The following INPP4B variants were observed in gnomAD, a reference collection of about 807,000 sequenced individuals.
INPP4B encodes the protein inositol polyphosphate-4-phosphatase type II B.
In INPP4B, 55 loss-of-function variants were observed where a neutral mutation model predicts 122.5. The ratio of observed to expected loss-of-function variants is 0.45; its 90% CI spans 0.36 to 0.56. INPP4B has a LOEUF of 0.56. Among genes scored for constraint, INPP4B ranks in the 20% least tolerant of loss-of-function variants. INPP4B has a pLI of 0.00. For synonymous variants in INPP4B, 403 were observed against 388.7 expected, an observed-to-expected ratio of 1.04 and a Z score of -0.43; for missense variants, 1,000 against 1,097.7, an observed-to-expected ratio of 0.91 and a Z score of 1.26.
rs553547725 is a variant in INPP4B at position 142,623,094 on chromosome 4, A to T, written c.-191+102745T>A. Among the ~76,000 whole-genome samples, 6 of 151,938 alleles carry T rather than the reference A, an allele frequency of 3.9e-5. No individual in the cohort carries two copies. The East Asian group carries it at 9.7e-4, about 25-fold the overall frequency. On this transcript the variant is annotated intron_variant, in intron 2 of 25. Transcript: ENST00000262992. ...CCGTGGAAATCACTTGAAAATGGAA[A>T]CTCCAGAGTCAAATCGCCTTTACTT... is the stretch of plus-strand genomic sequence containing the variant.
intron 2 of INPP4B, among the ~76,000 whole-genome samples, chr4:142,574,667 T>A (rs1733482067): frequency 6.6e-6 from 1 of 152,232 alleles, no homozygotes; most frequent in African/African-American, 2.4e-5. Context: ...AACACAAATA[T>A]CTTCTCCTCA....
intron 2 of INPP4B, among the ~76,000 whole-genome samples, chr4:142,671,886 CAA>C (rs1757053944): frequency 6.6e-6 from 1 of 152,190 alleles, no homozygotes; most frequent in East Asian, 1.9e-4. Flanking sequence ...TCCATCACCC[CAA>C]AATATTGCCT....
chr4:142,505,624 T>C (rs1278566357), intron 2 of INPP4B, among the ~76,000 whole-genome samples: 2 of 152,172 alleles, frequency 1.3e-5, no homozygotes, highest in Non-Finnish European at 2.9e-5. Flanking sequence ...AAATATTTCA[T>C]TAATACTATC....
chr4:142,764,635 G>A (rs1487522349), intron 1 of INPP4B, among the ~76,000 whole-genome samples: 1 of 152,090 alleles, frequency 6.6e-6, no homozygotes, highest in Non-Finnish European at 1.5e-5. Flanking sequence ...AGATATTTCT[G>A]AGAGAGGACA....
chr4:142,160,029 T>G (rs575666170), intron 17 of INPP4B, among the ~76,000 whole-genome samples: 1 of 151,844 alleles, frequency 6.6e-6, no homozygotes, highest in African/African-American at 2.4e-5. Context: ...ACATGGAGGG[T>G]TTTTTATTCT....
At chr4:142,394,120 A>G (rs1236025408) in intron 7 of INPP4B, among the ~76,000 whole-genome samples, 2 of 151,994 alleles carry the variant, frequency 1.3e-5, no homozygotes, top group East Asian at 1.9e-4. Flanking sequence ...TCAAAAGTTC[A>G]CTTTTCTGTT....
chr4:142,610,511 A>G (rs1472782756), intron 2 of INPP4B, among the ~76,000 whole-genome samples: 1 of 152,234 alleles, frequency 6.6e-6, no homozygotes, highest in Non-Finnish European at 1.5e-5. Context: ...GAGGATAAAT[A>G]AATAAGACTC....
intron 2 of INPP4B, among the ~76,000 whole-genome samples, chr4:142,554,911 C>T (rs572581089): frequency 7.2e-4 from 110 of 152,228 alleles, no homozygotes; most frequent in African/African-American, 2.6e-3. Context: ...ATGCTATTCC[C>T]TCTGTGGGAA....
intron 1 of INPP4B, among the ~76,000 whole-genome samples, chr4:142,839,613 G>C (rs1207121555): frequency 6.6e-6 from 1 of 152,058 alleles, no homozygotes; most frequent in African/African-American, 2.4e-5. Flanking sequence ...AAAAATATTT[G>C]TAAATAACTG....
chr4:142,193,246 G>C (rs114458923), intron 14 of INPP4B, 51 bp from the exon 15 acceptor site: 1 of 1,061,340 alleles, frequency 9.4e-7, no homozygotes, highest in Non-Finnish European at 1.5e-6. Context: ...ATTTATCTCC[G>C]TCATGCTGTT....
intron 2 of INPP4B, among the ~76,000 whole-genome samples, chr4:142,669,674 A>T (rs1756697824): frequency 6.6e-6 from 1 of 152,238 alleles, no homozygotes; most frequent in Non-Finnish European, 1.5e-5. Flanking sequence ...TGGATTAATG[A>T]CTTAAATGTA....
intron 7 of INPP4B, among the ~76,000 whole-genome samples, chr4:142,392,905 T>C (rs1798194466): frequency 6.6e-6 from 1 of 152,194 alleles, no homozygotes; most frequent in South Asian, 2.1e-4. Context: ...TCATTCTTTA[T>C]TTGGTTTTAG....
intron 15 of INPP4B, among the ~76,000 whole-genome samples, chr4:142,187,883 A>G (rs1341198329): frequency 6.6e-6 from 1 of 152,128 alleles, no homozygotes; most frequent in Admixed American, 6.5e-5. Flanking sequence ...GGCATGAGCC[A>G]TCATGCCTGG....
At chr4:142,271,374 T>C (rs1251746411) in intron 9 of INPP4B, among the ~76,000 whole-genome samples, 1 of 152,178 alleles carries the variant, frequency 6.6e-6, no homozygotes, top group Non-Finnish European at 1.5e-5. Context: ...GTGTCATAGA[T>C]CAATACCCCA....
intron 12 of INPP4B, among the ~76,000 whole-genome samples, chr4:142,215,911 A>G (rs1477087004): frequency 1.2e-4 from 11 of 89,364 alleles, no homozygotes; most frequent in African/African-American, 4.6e-4. Flanking sequence ...AAAAAAAAAA[A>G]AAAAAAAAAA....
At chr4:142,675,910 G>T (rs1308232062) in intron 2 of INPP4B, among the ~76,000 whole-genome samples, 1 of 152,080 alleles carries the variant, frequency 6.6e-6, no homozygotes, top group African/African-American at 2.4e-5. Context: ...GGCAAAAACT[G>T]GAAGTATTCC....
intron 2 of INPP4B, among the ~76,000 whole-genome samples, chr4:142,632,308 T>C (rs1748145115): frequency 6.6e-6 from 1 of 152,090 alleles, no homozygotes. Context: ...GAACTGGAGG[T>C]CATTATGCTA....
intron 2 of INPP4B, among the ~76,000 whole-genome samples, chr4:142,554,955 C>T (rs1356148060): frequency 6.6e-6 from 1 of 152,166 alleles, no homozygotes; most frequent in East Asian, 1.9e-4. Flanking sequence ...CTACAAATTC[C>T]TATATACTCT....
At chr4:142,541,259 A>G (rs1388820061) in intron 2 of INPP4B, among the ~76,000 whole-genome samples, 1 of 152,216 alleles carries the variant, frequency 6.6e-6, no homozygotes. Flanking sequence ...TTATGAATAA[A>G]GAAACTGAGG....
Sources: allele counts gnomAD v4.1 joint callset (sites outside exome capture counted in the v4.1 genomes callset), GRCh38; gene constraint gnomAD v4.1.1; transcripts MANE v1.5; gene names NCBI Gene and HGNC (gene_info 2026-07-23, HGNC 2026-07-21).